Variants in NCR1 observed in about 807,000 individuals in gnomAD.
NCR1 encodes natural cytotoxicity triggering receptor 1.
NCR1 carries 30 observed loss-of-function variants against 32.5 expected under a neutral mutation model. The ratio of observed to expected loss-of-function variants is 0.92; its 90% confidence interval spans 0.69 to 1.25. The LOEUF (loss-of-function observed/expected upper bound fraction) is 1.25. Among genes scored for constraint, NCR1 ranks in the 50% most tolerant of loss-of-function variants. The pLI is 0.00. For missense variants in NCR1, 369 were observed against 380.7 expected (o/e 0.97, Z 0.26); for synonymous variants, 169 against 143.4 (o/e 1.18, Z -1.28).
the NCR1 span, among the ~76,000 whole-genome samples, chr19:54,921,380 C>T: frequency 2.0e-5 from 3 of 152,288 alleles, no homozygotes; most frequent in African/African-American, 7.2e-5. Context: ...GACAAGGGCT[C>T]ACGAAAGACA....
chr19:54,901,317 C>T (rs144394096), upstream of NCR1, among the ~76,000 whole-genome samples: 1,515 of 135,022 alleles, frequency 0.011, 36 homozygotes, highest in African/African-American at 0.04. Context: ...GCCGAGATTG[C>T]GCCACTGCAC....
chr19:54,930,050 G>C, the NCR1 span, among the ~76,000 whole-genome samples: 1 of 148,232 alleles, frequency 6.7e-6, no homozygotes, highest in Admixed American at 6.8e-5. Flanking sequence ...GGGAGGAAGA[G>C]GTTGCAGTAA....
At chr19:54,903,272 A>G (rs1426275303), upstream of NCR1, among the ~76,000 whole-genome samples, 2 of 150,622 alleles carry the variant, frequency 1.3e-5, no homozygotes, top group South Asian at 2.1e-4. Context: ...ACATGTATAT[A>G]TATATGTATA....
At chr19:54,936,186 C>G in the NCR1 span, 1 of 1,393,170 alleles carries the variant, frequency 7.2e-7, no homozygotes, top group South Asian at 1.2e-5. Context: ...AGTGGTTACC[C>G]TTTTTCCTAG....
chr19:54,909,442 A>T lies in NCR1; in HGVS notation c.553A>T (p.Arg185Ter), dbSNP rs3765013. Reference protein sequence around the residue: ...FPLGPVTTAHRGTYRCFGSYN... With the variant: ...FPLGPVTTAH ...CCTGGGCCCTGTGACCACAGCCCAC[A>T]GAGGGACATACCGATGTTTTGGCTC... The change falls in exon 4 of 7, where the codon AGA becomes TGA. Residue 185 changes from arginine to a stop codon, truncating the protein, a stop_gained. Transcript: ENST00000291890. LOFTEE classifies it high-confidence loss of function. 1.9e-6 allele frequency: 3 copies of T among 1,612,772 alleles called. No individual in the cohort carries two copies. In the African/African-American group the frequency reaches 4.0e-5, roughly 22 times the overall value.
the NCR1 span, among the ~76,000 whole-genome samples, chr19:54,930,222 A>T: frequency 1.3e-5 from 2 of 151,928 alleles, no homozygotes; most frequent in Middle Eastern, 3.4e-3. Flanking sequence ...ATCCTAGCAC[A>T]TTGGGAGGCC....
chr19:54,903,293 C>CATATACGTATATGTATACATATATAT (rs2067334940), upstream of NCR1, among the ~76,000 whole-genome samples: 2 of 134,626 alleles, frequency 1.5e-5, no homozygotes, highest in African/African-American at 5.5e-5. Flanking sequence ...TACATATATA[C>CATATACGTATATGTATACATATATAT]ACATATACGT....
downstream of NCR1, among the ~76,000 whole-genome samples, chr19:54,921,046 T>C (rs1415696405): frequency 6.6e-6 from 1 of 152,132 alleles, no homozygotes; most frequent in Admixed American, 6.6e-5. Flanking sequence ...AGATAAAATA[T>C]TTAGGGGAAA....
At chr19:54,909,548 A>G in intron 4 of NCR1, 25 bp downstream of exon 4, 1 of 1,588,072 alleles carries the variant, frequency 6.3e-7, no homozygotes, top group Non-Finnish European at 8.5e-7. Flanking sequence ...AATTCCCCAC[A>G]CCCTTCGCCG....
chr19:54,899,341 A>G, the NCR1 span, among the ~76,000 whole-genome samples: 2 of 152,064 alleles, frequency 1.3e-5, no homozygotes, highest in Non-Finnish European at 2.9e-5. Context: ...GGTTTTTAAG[A>G]ACACAGGCTA....
chr19:54,904,588 A>T (rs144027327), upstream of NCR1, among the ~76,000 whole-genome samples: 363 of 146,942 alleles, frequency 2.5e-3, 3 homozygotes, highest in East Asian at 0.028. Flanking sequence ...GCTGGAGTAC[A>T]ATGGCACCAT....
At chr19:54,931,860 A>AAAT in the NCR1 span, among the ~76,000 whole-genome samples, 6 of 150,152 alleles carry the variant, frequency 4.0e-5, no homozygotes, top group African/African-American at 9.8e-5. Context: ...AAAAAAAAAA[A>AAAT]CATCCAAATG....
chr19:54,937,947 T>G, the NCR1 span: 1 of 805,488 alleles, frequency 1.2e-6, no homozygotes, highest in Non-Finnish European at 2.1e-6. Flanking sequence ...CCCAAATACA[T>G]GGAGATGAAA....
upstream of NCR1, among the ~76,000 whole-genome samples, chr19:54,904,314 C>G (rs941034885): frequency 3.3e-5 from 5 of 151,816 alleles, no homozygotes; most frequent in African/African-American, 7.2e-5. Flanking sequence ...CATATGTATA[C>G]TGTACACAGA....
chr19:54,903,439 C>CATAT (rs1353814867), upstream of NCR1, among the ~76,000 whole-genome samples: 216 of 115,536 alleles, frequency 1.9e-3, 4 homozygotes, highest in African/African-American at 6.6e-3. Context: ...TACACGCATA[C>CATAT]ATGTATGTAT....
downstream of NCR1, among the ~76,000 whole-genome samples, chr19:54,914,164 C>CTTTTTTTTTTTTT (rs533441878): frequency 1.1e-4 from 14 of 124,082 alleles, no homozygotes; most frequent in East Asian, 4.8e-4. Context: ...TCTTCTCTTC[C>CTTTTTTTTTTTTT]TTTTTTTTTT....
chr19:54,928,967 C>A, the NCR1 span, among the ~76,000 whole-genome samples: 1 of 152,044 alleles, frequency 6.6e-6, no homozygotes, highest in African/African-American at 2.4e-5. Flanking sequence ...ATTACAGGAA[C>A]AAGACACCAG....
At chr19:54,919,722 C>T (rs1329117486), downstream of NCR1, among the ~76,000 whole-genome samples, 1 of 147,434 alleles carries the variant, frequency 6.8e-6, no homozygotes, top group Non-Finnish European at 1.5e-5. Flanking sequence ...AGACCCCCCC[C>T]CCCACCCGCT....
At chr19:54,914,833 G>A (rs1171455159), downstream of NCR1, among the ~76,000 whole-genome samples, 1 of 151,680 alleles carries the variant, frequency 6.6e-6, no homozygotes, top group Non-Finnish European at 1.5e-5. Context: ...TTCGCCTCTG[G>A]GGCTCAAGCG....
Sources: gnomAD v4.1 joint callset for allele counts (sites outside exome capture counted in the v4.1 genomes callset) on GRCh38, gnomAD v4.1.1 for gene constraint, MANE v1.5 for transcripts, NCBI Gene and HGNC (gene_info 2026-07-23, HGNC 2026-07-21) for gene names.